IGF1R: variants seen among roughly 807,000 people sequenced by gnomAD.
The protein encoded by IGF1R is insulin like growth factor 1 receptor.
In IGF1R, 44 loss-of-function variants were observed where a neutral mutation model predicts 144.6. That is an observed-to-expected ratio of 0.30 (90% CI 0.24 to 0.39). IGF1R has a LOEUF of 0.39. Ranked by LOEUF, IGF1R falls within the 10% of genes least tolerant of loss-of-function variation. IGF1R has a pLI of 1.00. For missense variants in IGF1R, 1,355 were observed against 1,833.7 expected, an observed-to-expected ratio of 0.74 and a Z score of 4.77; for synonymous variants, 795 against 722.8, an observed-to-expected ratio of 1.10 and a Z score of -1.60.
intron 20 of IGF1R, chr15:98,953,171 A>AG (rs1792669555): frequency 1.3e-5 from 2 of 152,118 alleles, no homozygotes; most frequent in Admixed American, 1.3e-4. Flanking sequence ...TGGTGACACT[A>AG]GGGGCTGAAG....
At chr15:98,799,899 T>C (rs889934964) in intron 2 of IGF1R, among the ~76,000 whole-genome samples, 1 of 152,238 alleles carries the variant, frequency 6.6e-6, no homozygotes, top group Admixed American at 6.5e-5. Flanking sequence ...GGAGAGAATT[T>C]ATGTATCAAT....
intron 20 of IGF1R, among the ~76,000 whole-genome samples, chr15:98,953,853 C>T (rs2016872917): frequency 6.6e-6 from 1 of 152,158 alleles, no homozygotes; most frequent in African/African-American, 2.4e-5. Context: ...CTGCGGGAAT[C>T]GAGTGCTTGA....
At chr15:98,910,202 C>A (rs985816073) in intron 6 of IGF1R, among the ~76,000 whole-genome samples, 8 of 152,162 alleles carry the variant, frequency 5.3e-5, no homozygotes, top group African/African-American at 1.7e-4. Flanking sequence ...CCTCCCGCCC[C>A]CTGCTCACTC....
chr15:98,827,479 T>C (rs2056915325), intron 2 of IGF1R, among the ~76,000 whole-genome samples: 1 of 152,176 alleles, frequency 6.6e-6, no homozygotes, highest in Non-Finnish European at 1.5e-5. Context: ...AGGAGAGTTC[T>C]AGGAAACCCT....
At chr15:98,856,860 A>G (rs1273475261) in intron 2 of IGF1R, among the ~76,000 whole-genome samples, 1 of 152,238 alleles carries the variant, frequency 6.6e-6, no homozygotes, top group East Asian at 1.9e-4. Flanking sequence ...TTTCGACAGT[A>G]AAGAAATACA....
chr15:98,891,602 G>T lies in IGF1R; in HGVS notation c.918G>T (p.Glu306Asp). 6.2e-7 allele frequency: 1 copy of T among 1,602,942 alleles called. No individual in the cohort carries two copies. Among genetic ancestry groups the T allele is most frequent in the Non-Finnish European group, 8.5e-7 (1 of 1,179,966 alleles). ...TCCACGACGGCGAGTGCATGCAGGA[G>T]TGCCCCTCGGGCTTCATCCGCAACG... Reference protein sequence around the residue: ...FVIHDGECMQECPSGFIRNGS... With the variant: ...FVIHDGECMQDCPSGFIRNGS... Residue 306 changes from glutamate (E) to aspartate (D), a missense_variant, in exon 3 of 21, where the codon GAG (glutamate) becomes GAT (aspartate). By Grantham distance (45) the Glu-to-Asp change is conservative (BLOSUM62 2). Coordinates refer to ENST00000650285, the MANE Select transcript of IGF1R (RefSeq NM_000875.5). This position sits in a 1 kb window ranked among gnomAD's most constrained non-coding sequence, Gnocchi z 4.7.
chr15:98,757,391 T>A (rs923635384), intron 2 of IGF1R, among the ~76,000 whole-genome samples: 5 of 152,188 alleles, frequency 3.3e-5, no homozygotes, highest in Admixed American at 2.6e-4. Flanking sequence ...CTCAAACTCC[T>A]GACCTCAAAT....
intron 3 of IGF1R, among the ~76,000 whole-genome samples, chr15:98,892,701 TG>T (rs1466771612): frequency 6.6e-6 from 1 of 152,170 alleles, no homozygotes; most frequent in Non-Finnish European, 1.5e-5. Context: ...ATTGGAGATT[TG>T]GGGTTGCTGT....
chr15:98,665,324 T>C (rs553284963), intron 1 of IGF1R, among the ~76,000 whole-genome samples: 4 of 152,286 alleles, frequency 2.6e-5, no homozygotes, highest in East Asian at 1.9e-4. Flanking sequence ...GCTTCCTCCT[T>C]TTCTGTCCCT....
rs569055577 is a variant in IGF1R, at chr15:98,830,400, G to A, written c.641-60925G>A. Reference sequence around the variant, plus strand: ...CCTCCCATCGTCTCAGACTCAGGGTGTGTGAAAAACAAACCTGCTTTCTGG... The same window carrying A: ...CCTCCCATCGTCTCAGACTCAGGGTATGTGAAAAACAAACCTGCTTTCTGG... On this transcript the variant is annotated intron_variant, in intron 2 of 20. Coordinates refer to ENST00000650285, the MANE Select transcript of IGF1R (RefSeq NM_000875.5). Among the ~76,000 whole-genome samples the A allele has an allele frequency of 2.0e-5, 3 of 152,350 alleles. No individual in the cohort carries two copies. In the South Asian group the frequency reaches 6.2e-4, roughly 32 times the overall value.
intron 6 of IGF1R, among the ~76,000 whole-genome samples, chr15:98,909,263 T>TTTTTTTTTTTTTTTTTTTTC (rs2014889746): frequency 8.2e-6 from 1 of 121,620 alleles, no homozygotes; most frequent in African/African-American, 4.2e-5. Context: ...TTTTTTTTCT[T>TTTTTTTTTTTTTTTTTTTTC]TTTTTTTTTT....
chr15:98,962,732 T>G lies in IGF1R; in HGVS notation c.*5290T>G, dbSNP rs1440391736. The G allele has an allele frequency of 4.3e-6, 1 of 233,198 alleles. No individual in the cohort carries two copies. The highest frequency in any genetic ancestry group is 6.0e-5 in the East Asian group (1 of 16,606). The allele number at this position is 233,198 out of a possible 1,614,324, so 14.4% of individuals were successfully genotyped here. ...AGGAATGTGGGCAAGGTTTTGAACT[T>G]GATTGTTCTTGAAGCTATCAGACCA... On this transcript the variant is annotated 3_prime_UTR_variant, in exon 21 of 21. Transcript: ENST00000650285.
chr15:98,910,130 G>C (rs1315889425), intron 6 of IGF1R, among the ~76,000 whole-genome samples: 2 of 152,192 alleles, frequency 1.3e-5, no homozygotes, highest in Non-Finnish European at 2.9e-5. Context: ...TGCTCTGGGG[G>C]ATCTTAGAGG....
At chr15:98,850,961 G>C (rs1487598503) in intron 2 of IGF1R, among the ~76,000 whole-genome samples, 1 of 152,166 alleles carries the variant, frequency 6.6e-6, no homozygotes, top group Non-Finnish European at 1.5e-5. Flanking sequence ...GGTCTACTGA[G>C]GTGGAGAAAC....
intron 2 of IGF1R, among the ~76,000 whole-genome samples, chr15:98,731,735 C>CAAGA (rs1178437971): frequency 6.6e-6 from 1 of 152,236 alleles, no homozygotes; most frequent in African/African-American, 2.4e-5. Flanking sequence ...GCTGTGTTAG[C>CAAGA]TCTTCTCTGG....
intron 2 of IGF1R, among the ~76,000 whole-genome samples, chr15:98,758,361 C>T (rs568545522): frequency 1.3e-5 from 2 of 152,254 alleles, no homozygotes; most frequent in South Asian, 2.1e-4. Context: ...GTCACCCTCC[C>T]TCAGGCTCCT....
chr15:98,932,819 C>G (rs1387886232), intron 15 of IGF1R, among the ~76,000 whole-genome samples: 1 of 152,154 alleles, frequency 6.6e-6, no homozygotes, highest in African/African-American at 2.4e-5. Context: ...CTATGAAATA[C>G]AAAAATGTGT....
Position 98,868,088 on chromosome 15 carries a change from C to G in IGF1R, c.641-23237C>G, listed in dbSNP as rs188172503. 1.9e-3 allele frequency among the ~76,000 whole-genome samples: 290 copies of G among 152,126 alleles called. 3 individuals carry two copies. The highest frequency in any genetic ancestry group is 6.3e-3 in the African/African-American group (261 of 41,494). On this transcript the variant is annotated intron_variant, in intron 2 of 20. Coordinates refer to ENST00000650285, the MANE Select transcript of IGF1R (RefSeq NM_000875.5). Reference sequence around the variant, plus strand: ...TGGTGGTGCATGCCTGTAATCCCAGCTACTCAGAGAAGTGTTTGAACCCGG... The same window carrying G: ...TGGTGGTGCATGCCTGTAATCCCAGGTACTCAGAGAAGTGTTTGAACCCGG...
chr15:98,899,684 C>T (rs2014378259), intron 5 of IGF1R, 63 bp downstream of exon 5: 1 of 1,536,980 alleles, frequency 6.5e-7, no homozygotes, highest in Non-Finnish European at 9.0e-7. Context: ...GCTTATGAAA[C>T]TGTGTTGCTG....
Sources: gnomAD v4.1 joint callset for allele counts (sites outside exome capture counted in the v4.1 genomes callset) on GRCh38, gnomAD v4.1.1 for gene constraint, Gnocchi (gnomAD v3.1) non-coding constraint, MANE v1.5 for transcripts, NCBI Gene and HGNC (gene_info 2026-07-23, HGNC 2026-07-21) for gene names.